Variants in PMVK observed in about 807,000 individuals in gnomAD.
PMVK encodes the protein testis tissue sperm-binding protein Li 95mP.
A neutral mutation model predicts 19.0 loss-of-function variants in PMVK; 10 were observed. The ratio of observed to expected loss-of-function variants is 0.53; its 90% CI spans 0.32 to 0.89. The LOEUF (loss-of-function observed/expected upper bound fraction) is 0.89. Ranked by LOEUF, PMVK falls within the 40% of genes least tolerant of loss-of-function variation. PMVK has a pLI of 0.03. For synonymous variants in PMVK, 108 were observed against 101.6 expected, an observed-to-expected ratio of 1.06 and a Z score of -0.38; for missense variants, 222 against 251.1, an observed-to-expected ratio of 0.88 and a Z score of 0.78.
At chr1:154,931,035 G>A (rs1387777701) in intron 2 of PMVK, among the ~76,000 whole-genome samples, 1 of 152,058 alleles carries the variant, frequency 6.6e-6, no homozygotes, top group Non-Finnish European at 1.5e-5. Flanking sequence ...GCTGCAGTGA[G>A]CCATTATGCG....
At chr1:154,934,597 C>G (rs1558032612) in intron 1 of PMVK, among the ~76,000 whole-genome samples, 1 of 152,150 alleles carries the variant, frequency 6.6e-6, no homozygotes, top group Non-Finnish European at 1.5e-5. Flanking sequence ...ATTGACTCCC[C>G]CAAAGCAACA....
intron 2 of PMVK, among the ~76,000 whole-genome samples, chr1:154,931,781 T>C (rs887985665): frequency 6.6e-6 from 1 of 151,966 alleles, no homozygotes; most frequent in African/African-American, 2.4e-5. Context: ...TTTTTTTTTT[T>C]CACTTAATGA....
In PMVK at chr1:154,936,703, C is replaced by T; in HGVS notation, c.-18G>A. ...GGGGCCATGGGGCCGCCACGCCTCGCGATGCCTGAAGCTGACACTTCTCCC... is the reference window on the plus strand; with the variant it reads ...GGGGCCATGGGGCCGCCACGCCTCGTGATGCCTGAAGCTGACACTTCTCCC... On this transcript the variant is annotated 5_prime_UTR_variant, in exon 1 of 5. Coordinates refer to ENST00000368467, the MANE Select transcript of PMVK (RefSeq NM_006556.4). 1 of 1,587,214 alleles carries T rather than the reference C, an allele frequency of 6.3e-7. No individual in the cohort carries two copies. Among genetic ancestry groups the T allele is most frequent in the Non-Finnish European group, 8.6e-7 (1 of 1,165,688 alleles).
intron 1 of PMVK, among the ~76,000 whole-genome samples, chr1:154,934,707 CA>C (rs1187491952): frequency 6.6e-6 from 1 of 152,260 alleles, no homozygotes; most frequent in African/African-American, 2.4e-5. Flanking sequence ...CCTTCACACA[CA>C]TTATCTCATT....
At chr1:154,936,301 C>A (rs745953519) in intron 1 of PMVK, 11 of 736,130 alleles carry the variant, frequency 1.5e-5, no homozygotes, top group Non-Finnish European at 1.8e-5. Flanking sequence ...AGGCTGGTAT[C>A]CAACGCCTGG....
At position 154,936,680 on chromosome 1, in the gene PMVK, G is replaced by T. The variant is rs1300566504; in HGVS notation, c.6C>A (p.Ala2=). 1 of 1,603,834 alleles carries T rather than the reference G, an allele frequency of 6.2e-7. No individual in the cohort carries two copies. Among genetic ancestry groups the T allele is most frequent in the Non-Finnish European group, 8.5e-7 (1 of 1,175,782 alleles). ...CCAGCCGCGGGGCGCCTCCCAGCGGGGCCATGGGGCCGCCACGCCTCGCGA... is the reference window on the plus strand; with the variant it reads ...CCAGCCGCGGGGCGCCTCCCAGCGGTGCCATGGGGCCGCCACGCCTCGCGA... M[A]PLGGAPRLVL... Residue 2 remains alanine, a synonymous_variant, in exon 1 of 5, where the codon GCC becomes GCA. Transcript: ENST00000368467.
intron 3 of PMVK, among the ~76,000 whole-genome samples, chr1:154,927,125 C>T (rs2734475): frequency 6.6e-6 from 1 of 152,106 alleles, no homozygotes; most frequent in Admixed American, 6.6e-5. Context: ...TTGCTCCCCT[C>T]TGCGCCCCAA....
upstream of PMVK, among the ~76,000 whole-genome samples, chr1:154,939,792 C>T (rs187427640): frequency 5.5e-4 from 83 of 151,878 alleles, 1 homozygote; most frequent in East Asian, 0.011. Flanking sequence ...GAGACAGGGT[C>T]TCACTCTGTG....
chr1:154,936,557 G>C, intron 1 of PMVK, 34 bp downstream of exon 1: 1 of 1,570,164 alleles, frequency 6.4e-7, no homozygotes, highest in Non-Finnish European at 8.6e-7. Context: ...GATGCGGAGA[G>C]CTCCCCCTTC....
intron 2 of PMVK, among the ~76,000 whole-genome samples, chr1:154,930,763 T>C (rs1654311185): frequency 6.6e-6 from 1 of 151,898 alleles, no homozygotes; most frequent in Non-Finnish European, 1.5e-5. Context: ...TGTATCCAGT[T>C]TCATTTGGGA....
rs375589517 is a variant in PMVK at position 154,936,704 on chromosome 1, G to C, written c.-19C>G. ...GGGCCATGGGGCCGCCACGCCTCGCGATGCCTGAAGCTGACACTTCTCCCT... is the reference window on the plus strand; with the variant it reads ...GGGCCATGGGGCCGCCACGCCTCGCCATGCCTGAAGCTGACACTTCTCCCT... On this transcript the variant is annotated 5_prime_UTR_variant, in exon 1 of 5. The change creates a new upstream start codon in the 5' untranslated region. Transcript: ENST00000368467. 14 of 1,583,298 alleles carry C rather than the reference G, an allele frequency of 8.8e-6. No individual in the cohort carries two copies. Among genetic ancestry groups the C allele is most frequent in the Non-Finnish European group, 1.2e-5 (14 of 1,163,036 alleles).
chr1:154,925,280 T>A lies in PMVK; in HGVS notation c.443-15A>T. The stretch of plus-strand genomic sequence containing the variant: ...ATCGTCCACCCCTATGAAGGAAGCA[T>A]GGTGAGGTCAGGCCTCAGCCCTCCA... On this transcript the variant is annotated splice_polypyrimidine_tract_variant and intron_variant, in intron 4 of 4. Transcript: ENST00000368467. 6.2e-7 allele frequency: 1 copy of A among 1,613,982 alleles called. No individual in the cohort carries two copies. The highest frequency in any genetic ancestry group is 8.5e-7 in the Non-Finnish European group (1 of 1,179,882).
At chr1:154,926,316 C>T (rs937510462) in intron 4 of PMVK, 38 bp downstream of exon 4, 6 of 1,591,554 alleles carry the variant, frequency 3.8e-6, no homozygotes, top group African/African-American at 2.7e-5. Context: ...GGGTGGGTAG[C>T]CTGTGTCCTC....
Position 154,925,080 on chromosome 1 carries a change from G to GGGC in PMVK, c.*48_*49insGCC. 8 of 1,459,184 alleles carry GGGC rather than the reference G, an allele frequency of 5.5e-6. No homozygotes were observed. Among genetic ancestry groups the GGGC allele is most frequent in the Non-Finnish European group, 7.4e-6 (8 of 1,076,428 alleles). The allele number at this position is 1,459,184 out of a possible 1,614,324, so 90.4% of individuals were successfully genotyped here. A position where few individuals can be genotyped will look rare whatever the true frequency, so the allele number is the denominator to read the frequency against. ...GGGACACCCCCATTTTGCAGAGTCA[G>GGGC]CCCCACCCCCACCTCAGCAGGCCCC... is the stretch of plus-strand genomic sequence containing the variant. On this transcript the variant is annotated 3_prime_UTR_variant, in exon 5 of 5. Coordinates refer to ENST00000368467, the MANE Select transcript of PMVK (RefSeq NM_006556.4).
intron 2 of PMVK, among the ~76,000 whole-genome samples, chr1:154,931,847 TA>T (rs956038340): frequency 1.5e-4 from 23 of 152,124 alleles, no homozygotes; most frequent in Non-Finnish European, 2.2e-4. Context: ...TTGTTTACTT[TA>T]AAAAAAATTT....
Position 154,925,018 on chromosome 1 carries a change from A to AC in PMVK, c.*110dup, listed in dbSNP as rs144182615. ...ATCCACCAACCCCCTCAGAATCTAG[A>AC]CCCCCCCTGTCTGTTCCTCACCTCG... On this transcript the variant is annotated 3_prime_UTR_variant, in exon 5 of 5. Transcript: ENST00000368467. The AC allele has an allele frequency of 9.2e-4, 436 of 475,172 alleles. No individual in the cohort carries two copies. Among genetic ancestry groups the AC allele is most frequent in the African/African-American group, 9.0e-3 (402 of 44,510 alleles). The allele number at this position is 475,172 out of a possible 1,614,324, so 29.4% of individuals were successfully genotyped here. A position where few individuals can be genotyped will look rare whatever the true frequency, so the allele number is the denominator to read the frequency against.
chr1:154,941,688 T>C (rs1024657561), upstream of PMVK, among the ~76,000 whole-genome samples: 21 of 152,066 alleles, frequency 1.4e-4, no homozygotes, highest in Non-Finnish European at 2.2e-4. Context: ...CAGAAGCCAA[T>C]AGGGGTGGTC....
intron 1 of PMVK, among the ~76,000 whole-genome samples, chr1:154,935,072 A>C (rs904808472): frequency 1.3e-5 from 2 of 151,018 alleles, no homozygotes; most frequent in African/African-American, 4.8e-5. Flanking sequence ...AAAAAAAAAA[A>C]AAAAAAAAAA....
At chr1:154,938,431 A>G (rs1257699058), upstream of PMVK, among the ~76,000 whole-genome samples, 1 of 152,184 alleles carries the variant, frequency 6.6e-6, no homozygotes, top group Non-Finnish European at 1.5e-5. Context: ...CTCTACTAAA[A>G]ATACAAAAAT....
Sources: allele counts gnomAD v4.1 joint callset (sites outside exome capture counted in the v4.1 genomes callset), GRCh38; gene constraint gnomAD v4.1.1; transcripts MANE v1.5; gene names NCBI Gene and HGNC (gene_info 2026-07-23, HGNC 2026-07-21).